Variants in TRDMT1 observed in about 807,000 individuals in gnomAD.
TRDMT1 encodes the protein tRNA (cytosine(38)-C(5))-methyltransferase.
TRDMT1 carries 49 observed loss-of-function variants against 51.2 expected under a neutral mutation model. That is an observed-to-expected ratio of 0.96 (90% CI 0.76 to 1.21). The LOEUF is 1.21. Among genes scored for constraint, TRDMT1 ranks in the 50% most tolerant of loss-of-function variants. The pLI is 0.00. For synonymous variants in TRDMT1, 187 were observed against 164.6 expected (o/e 1.14, Z -1.04); for missense variants, 534 against 462.3 (o/e 1.16, Z -1.42).
intron 2 of TRDMT1, 65 bp downstream of exon 2, chr10:17,174,486 T>C: frequency 9.0e-7 from 1 of 1,108,858 alleles, no homozygotes; most frequent in African/African-American, 1.5e-5. Context: ...AAACCAGTAT[T>C]AGGCAGTGTT....
chr10:17,184,002 A>G (rs750003698), intron 1 of TRDMT1, among the ~76,000 whole-genome samples: 2 of 152,184 alleles, frequency 1.3e-5, no homozygotes, highest in Non-Finnish European at 1.5e-5. Flanking sequence ...CAAAAGAAAA[A>G]CTAAAAATTA....
rs777401339 is a variant in TRDMT1 at position 17,159,250 on chromosome 10, T to A, written c.460-21A>T. ...CCAAGCTGTAAGCAAAGCAAAGCAG[T>A]TAGTTACTCTAAAAAATTAAAGAGA... On this transcript the variant is annotated intron_variant, in intron 6 of 10. Coordinates refer to ENST00000377799, the MANE Select transcript of TRDMT1 (RefSeq NM_004412.7). 5.8e-6 allele frequency: 9 copies of A among 1,550,368 alleles called. No individual in the cohort carries two copies. The South Asian group carries it at 1.1e-4, about 19-fold the overall frequency.
chr10:17,148,599 G>T lies in TRDMT1; in HGVS notation c.*441C>A. ...AAATAAAGAAATATTTACAGGATTG[G>T]AAATTAAGTAAAACATTCAATGGGC... On this transcript the variant is annotated 3_prime_UTR_variant, in exon 11 of 11. Coordinates refer to ENST00000377799, the MANE Select transcript of TRDMT1 (RefSeq NM_004412.7). The T allele has an allele frequency of 3.1e-6, 3 of 974,030 alleles. No homozygotes were observed. Among genetic ancestry groups the T allele is most frequent in the Non-Finnish European group, 3.7e-6 (3 of 819,632 alleles). 60.3% of individuals were successfully genotyped at this position (974,030 alleles called of 1,614,324 possible). A position where few individuals can be genotyped will look rare whatever the true frequency, so the allele number is the denominator to read the frequency against.
chr10:17,183,241 C>A (rs556226733), intron 1 of TRDMT1, among the ~76,000 whole-genome samples: 1 of 152,148 alleles, frequency 6.6e-6, no homozygotes, highest in Admixed American at 6.5e-5. Context: ...GAGTAAAAAT[C>A]CAAGTTTTAT....
rs757344244 is a variant in TRDMT1, at chr10:17,149,099, G to T, written c.1117C>A (p.Leu373Ile). The T allele has an allele frequency of 6.2e-7, 1 of 1,611,668 alleles. No individual in the cohort carries two copies. The highest frequency in any genetic ancestry group is 8.5e-7 in the Non-Finnish European group (1 of 1,179,182). The change falls in exon 11 of 11, where the codon CTT becomes ATT. Residue 373 changes from leucine to isoleucine, a missense_variant. Coordinates refer to ENST00000377799, the MANE Select transcript of TRDMT1 (RefSeq NM_004412.7). The stretch of plus-strand genomic sequence containing the variant: ...ACATGCACGTTGAGACTATTTCCAA[G>T]TAGGCGATAACGCTGTTTCACTGTT... ...KITVKQRYRL[L>I]GNSLNVHVVA...
chr10:17,173,315 A>G (rs1842261062), intron 2 of TRDMT1, among the ~76,000 whole-genome samples: 2 of 152,226 alleles, frequency 1.3e-5, no homozygotes, highest in Admixed American at 1.3e-4. Context: ...ACATACACAT[A>G]TTGTAGTATA....
At position 17,142,932 on chromosome 10, in the gene TRDMT1, G is replaced by A. The variant is rs1424015793; in HGVS notation, c.*6108C>T. The A allele has an allele frequency of 4.4e-6, 4 of 915,446 alleles. No homozygotes were observed. Among genetic ancestry groups the A allele is most frequent in the Non-Finnish European group, 5.2e-6 (4 of 766,798 alleles). The allele number at this position is 915,446 out of a possible 1,614,324, so 56.7% of individuals were successfully genotyped here. ...AGTTTATAATTACACTTTTCAGGGA[G>A]GAGCAGGGAGAAATAAATCTACACT... On this transcript the variant is annotated 3_prime_UTR_variant, in exon 11 of 11. Transcript: ENST00000377799.
chr10:17,142,495 A>G lies in TRDMT1; in HGVS notation c.*6545T>C, dbSNP rs1265958479. On this transcript the variant is annotated 3_prime_UTR_variant, in exon 11 of 11. Coordinates refer to ENST00000377799, the MANE Select transcript of TRDMT1 (RefSeq NM_004412.7). The stretch of plus-strand genomic sequence containing the variant: ...TCCCATGGTATCTCTGGGAGAAGGG[A>G]GTCTCAGGCTCAGGGTAATAAAAAA... The G allele has an allele frequency of 6.6e-6, 1 of 152,134 alleles. No individual in the cohort carries two copies. The highest frequency in any genetic ancestry group is 1.5e-5 in the Non-Finnish European group (1 of 68,046). The allele number at this position is 152,134 out of a possible 1,614,324, so 9.4% of individuals were successfully genotyped here. A position where few individuals can be genotyped will look rare whatever the true frequency, so the allele number is the denominator to read the frequency against.
In TRDMT1 at chr10:17,145,813, T is replaced by G; in HGVS notation, c.*3227A>C. 1.0e-6 allele frequency: 1 copy of G among 985,484 alleles called. No individual in the cohort carries two copies. The highest frequency in any genetic ancestry group is 1.2e-6 in the Non-Finnish European group (1 of 829,938). The allele number at this position is 985,484 out of a possible 1,614,324, so 61.0% of individuals were successfully genotyped here. On this transcript the variant is annotated 3_prime_UTR_variant, in exon 11 of 11. Transcript: ENST00000377799. ...AGATGCAGCTGGCCTGCAGAATGCATCCTTTAGTAGGTGCTTGATATTAGA... is the reference window on the plus strand; with the variant it reads ...AGATGCAGCTGGCCTGCAGAATGCAGCCTTTAGTAGGTGCTTGATATTAGA...
chr10:17,148,554 C>A lies in TRDMT1; in HGVS notation c.*486G>T. 1.0e-6 allele frequency: 1 copy of A among 982,914 alleles called. No homozygotes were observed. The highest frequency in any genetic ancestry group is 1.2e-6 in the Non-Finnish European group (1 of 827,820). 60.9% of individuals were successfully genotyped at this position (982,914 alleles called of 1,614,324 possible). A position where few individuals can be genotyped will look rare whatever the true frequency, so the allele number is the denominator to read the frequency against. On this transcript the variant is annotated 3_prime_UTR_variant, in exon 11 of 11. Coordinates refer to ENST00000377799, the MANE Select transcript of TRDMT1 (RefSeq NM_004412.7). ...AATGATGATAATTTGGTTTACATAT[C>A]ATATGCATTTGTTTAGATGAAATAA...
chr10:17,170,275 C>A (rs1215719343), intron 2 of TRDMT1, among the ~76,000 whole-genome samples: 2 of 152,074 alleles, frequency 1.3e-5, no homozygotes, highest in Non-Finnish European at 2.9e-5. Flanking sequence ...TTGAACCCTT[C>A]ACAACTTATT....
intron 1 of TRDMT1, among the ~76,000 whole-genome samples, chr10:17,195,076 A>C (rs1407971876): frequency 6.6e-6 from 1 of 152,206 alleles, no homozygotes; most frequent in Non-Finnish European, 1.5e-5. Context: ...CAAAGAACTT[A>C]AAACAAAACT....
intron 3 of TRDMT1, among the ~76,000 whole-genome samples, chr10:17,162,590 C>T (rs1373678601): frequency 1.3e-5 from 2 of 152,040 alleles, no homozygotes; most frequent in Non-Finnish European, 2.9e-5. Flanking sequence ...CATCTATAAT[C>T]CCAGCACTTC....
chr10:17,201,091 C>A (rs577634039), intron 1 of TRDMT1, among the ~76,000 whole-genome samples: 1 of 152,278 alleles, frequency 6.6e-6, no homozygotes, highest in East Asian at 1.9e-4. Context: ...TTAGCATTCG[C>A]AAACTTCTAC....
Position 17,142,261 on chromosome 10 carries a change from C to G in TRDMT1, c.*6779G>C, listed in dbSNP as rs190888529. On this transcript the variant is annotated 3_prime_UTR_variant, in exon 11 of 11. Transcript: ENST00000377799. The stretch of plus-strand genomic sequence containing the variant: ...TGAACCTTTTGTCTATTATTTTAAT[C>G]TTTTATTTTTAGTAGGCAGTCACTC... 3.3e-5 allele frequency: 5 copies of G among 152,198 alleles called. No individual in the cohort carries two copies. Among genetic ancestry groups the G allele is most frequent in the Admixed American group, 3.3e-4 (5 of 15,286 alleles). The allele number at this position is 152,198 out of a possible 1,614,324, so 9.4% of individuals were successfully genotyped here.
chr10:17,153,858 T>C (rs1839122897), intron 9 of TRDMT1, among the ~76,000 whole-genome samples: 1 of 152,206 alleles, frequency 6.6e-6, no homozygotes. Context: ...CAGATCAGGA[T>C]ATTTTTCAGG....
intron 5 of TRDMT1, among the ~76,000 whole-genome samples, chr10:17,160,774 A>G (rs1414904200): frequency 6.6e-6 from 1 of 152,194 alleles, no homozygotes; most frequent in Non-Finnish European, 1.5e-5. Context: ...CCCGGCCCAC[A>G]AAACCTCATT....
At chr10:17,161,411 T>G (rs1840338847) in intron 5 of TRDMT1, 72 bp downstream of exon 5, 4 of 1,149,612 alleles carry the variant, frequency 3.5e-6, no homozygotes, top group Non-Finnish European at 4.6e-6. Flanking sequence ...TTTAAGATTT[T>G]TATTTCACAA....
At chr10:17,193,802 A>T (rs1017257930) in intron 1 of TRDMT1, among the ~76,000 whole-genome samples, 2 of 152,228 alleles carry the variant, frequency 1.3e-5, no homozygotes, top group Non-Finnish European at 2.9e-5. Flanking sequence ...TAAAATTGGA[A>T]CAAACTATTC....
Sources: gnomAD v4.1 joint callset for allele counts (sites outside exome capture counted in the v4.1 genomes callset) on GRCh38, gnomAD v4.1.1 for gene constraint, MANE v1.5 for transcripts, NCBI Gene and HGNC (gene_info 2026-07-23, HGNC 2026-07-21) for gene names.